MAML2: variants seen among roughly 807,000 people sequenced by gnomAD.
MAML2 encodes mastermind-like protein 2.
MAML2 carries 22 observed loss-of-function variants against 96.1 expected under a neutral mutation model. That is an observed-to-expected ratio of 0.23 (90% CI 0.16 to 0.33). MAML2 has a LOEUF of 0.33. Ranked by LOEUF, MAML2 falls within the 10% of genes least tolerant of loss-of-function variation. The probability of loss-of-function intolerance (pLI) is 1.00; values close to 1 mark genes in which losing one functional copy is unlikely to be tolerated. For synonymous variants in MAML2, 561 were observed against 521.3 expected (o/e 1.08, Z -1.04); for missense variants, 1,367 against 1,392.4 (o/e 0.98, Z 0.29).
chr11:96,322,962 C>G (rs899707429), intron 1 of MAML2, among the ~76,000 whole-genome samples: 4 of 152,102 alleles, frequency 2.6e-5, no homozygotes, highest in African/African-American at 7.2e-5. Context: ...CCTTGGAACC[C>G]CTGGAGAATC....
chr11:96,338,057 G>C (rs1232032874), intron 1 of MAML2, among the ~76,000 whole-genome samples: 1 of 152,132 alleles, frequency 6.6e-6, no homozygotes, highest in Non-Finnish European at 1.5e-5. Context: ...AGATGACATG[G>C]AACCACTTAT....
At chr11:96,298,771 A>G (rs1056829778) in intron 1 of MAML2, among the ~76,000 whole-genome samples, 294 of 147,518 alleles carry the variant, frequency 2.0e-3, no homozygotes, top group African/African-American at 7.0e-3. Context: ...GGCCGGGCGC[A>G]GTGGCTCAGG....
chr11:96,060,448 A>ATT lies in MAML2; in HGVS notation c.2139+31442_2139+31443dup, dbSNP rs552998833. On this transcript the variant is annotated intron_variant, in intron 2 of 4. Coordinates refer to ENST00000524717, the MANE Select transcript of MAML2 (RefSeq NM_032427.4). Reference sequence around the variant, plus strand: ...CCGGACTTGTTAGACCATTTGTTCTATTTTTTTTTTTCCAGAAAAGATCAC... The same window carrying ATT: ...CCGGACTTGTTAGACCATTTGTTCTATTTTTTTTTTTTTCCAGAAAAGATCAC... Among the ~76,000 whole-genome samples, 26 of 147,236 alleles carry ATT rather than the reference A, an allele frequency of 1.8e-4. 1 individual carries two copies. The highest frequency in any genetic ancestry group is 5.7e-4 in the African/African-American group (23 of 40,374).
chr11:96,040,139 T>C (rs775220643), intron 2 of MAML2, among the ~76,000 whole-genome samples: 1 of 152,192 alleles, frequency 6.6e-6, no homozygotes, highest in South Asian at 2.1e-4. Context: ...TCATTCATTA[T>C]ATTATTTATT....
chr11:96,087,625 A>AT lies in MAML2; in HGVS notation c.2139+4266dup, dbSNP rs571837724. Among the ~76,000 whole-genome samples the AT allele has an allele frequency of 2.6e-5, 4 of 152,232 alleles. No individual in the cohort carries two copies. The East Asian group carries it at 5.8e-4, about 22-fold the overall frequency. On this transcript the variant is annotated intron_variant, in intron 2 of 4. Transcript: ENST00000524717. ...TACCCTTGACCGCAGGTATGTCACC[A>AT]TTTTTTTAGCCTCCTTCTTTGTTCT...
intron 1 of MAML2, 27 bp from the exon 2 acceptor site, chr11:96,093,544 A>AAAAATAAG: frequency 7.0e-7 from 1 of 1,433,584 alleles, no homozygotes; most frequent in Non-Finnish European, 9.5e-7. Flanking sequence ...AATAAAAAGG[A>AAAAATAAG]AAAATAAGAA....
chr11:96,245,002 T>A (rs1862491030), intron 1 of MAML2, among the ~76,000 whole-genome samples: 1 of 152,128 alleles, frequency 6.6e-6, no homozygotes, highest in Non-Finnish European at 1.5e-5. Context: ...AGATTATACA[T>A]CCATACTGAA....
At chr11:96,021,313 A>G (rs1453388616) in intron 2 of MAML2, among the ~76,000 whole-genome samples, 1 of 152,192 alleles carries the variant, frequency 6.6e-6, no homozygotes, top group Non-Finnish European at 1.5e-5. Context: ...CTTAATAAAT[A>G]TTTGTTAAAT....
At chr11:96,075,422 G>T (rs1859418756) in intron 2 of MAML2, among the ~76,000 whole-genome samples, 1 of 152,142 alleles carries the variant, frequency 6.6e-6, no homozygotes, top group Non-Finnish European at 1.5e-5. Context: ...CTGACAAATT[G>T]TATGGTGTCT....
chr11:96,090,617 T>TA (rs536218760), intron 2 of MAML2, among the ~76,000 whole-genome samples: 74 of 152,282 alleles, frequency 4.9e-4, no homozygotes, highest in African/African-American at 1.8e-3. Flanking sequence ...AGGAATTTTG[T>TA]AAAAAAACAT....
chr11:96,102,994 A>C (rs145805198), intron 1 of MAML2, among the ~76,000 whole-genome samples: 14 of 152,370 alleles, frequency 9.2e-5, no homozygotes, highest in Admixed American at 2.6e-4. Flanking sequence ...CGATGCATTA[A>C]GTATCATTAA....
intron 2 of MAML2, among the ~76,000 whole-genome samples, chr11:96,091,608 A>G (rs922292240): frequency 4.6e-5 from 7 of 152,298 alleles, no homozygotes; most frequent in African/African-American, 1.4e-4. Flanking sequence ...TGACAACTGG[A>G]TATGTCACTA....
At chr11:96,212,977 A>C (rs1336059813) in intron 1 of MAML2, among the ~76,000 whole-genome samples, 1 of 152,150 alleles carries the variant, frequency 6.6e-6, no homozygotes, top group Non-Finnish European at 1.5e-5. Context: ...TACAATTAGG[A>C]GGAATGGGTA....
Position 96,299,060 on chromosome 11 carries a change from A to AAAATAT in MAML2, c.513+42322_513+42323insATATTT, listed in dbSNP as rs55878534. 3.9e-3 allele frequency among the ~76,000 whole-genome samples: 220 copies of AAAATAT among 56,332 alleles called. 8 individuals carry two copies. Among genetic ancestry groups the AAAATAT allele is most frequent in the African/African-American group, 0.019 (209 of 11,180 alleles). 37.0% of individuals were successfully genotyped at this position (56,332 alleles called of 152,430 possible). On this transcript the variant is annotated intron_variant, in intron 1 of 4. Transcript: ENST00000524717. ...AGTCCATCTCAAAAAAAAAAAAAAA[A>AAAATAT]ATATATATATATATATATATAAAAT...
At chr11:96,290,565 C>T (rs962116269) in intron 1 of MAML2, among the ~76,000 whole-genome samples, 1 of 152,224 alleles carries the variant, frequency 6.6e-6, no homozygotes, top group African/African-American at 2.4e-5. Context: ...GCCAGAACCA[C>T]ATTCTACCTC....
At chr11:96,080,551 A>G (rs1028242942) in intron 2 of MAML2, among the ~76,000 whole-genome samples, 1 of 152,240 alleles carries the variant, frequency 6.6e-6, no homozygotes, top group Non-Finnish European at 1.5e-5. Flanking sequence ...TGATGAGTCA[A>G]GGTAAAATCC....
chr11:96,193,242 C>T (rs1467823974), intron 1 of MAML2, among the ~76,000 whole-genome samples: 1 of 152,056 alleles, frequency 6.6e-6, no homozygotes, highest in East Asian at 1.9e-4. Flanking sequence ...TGGTGGGTGC[C>T]CCTGTAATCC....
chr11:96,310,228 A>T (rs1243530293), intron 1 of MAML2, among the ~76,000 whole-genome samples: 1 of 152,214 alleles, frequency 6.6e-6, no homozygotes, highest in African/African-American at 2.4e-5. Flanking sequence ...GTCAGAAGCT[A>T]AAGGTTATTT....
chr11:96,316,179 T>C (rs494901), intron 1 of MAML2, among the ~76,000 whole-genome samples: 68,787 of 152,034 alleles, frequency 0.45, 16,315 homozygotes, highest in African/African-American at 0.61. Context: ...GCTGTTCCTT[T>C]ATACCCTATC....
Sources: gnomAD v4.1 joint callset for allele counts (sites outside exome capture counted in the v4.1 genomes callset) on GRCh38, gnomAD v4.1.1 for gene constraint, MANE v1.5 for transcripts, NCBI Gene and HGNC (gene_info 2026-07-23, HGNC 2026-07-21) for gene names.